The following WAC variants were observed in gnomAD, a reference collection of about 807,000 sequenced individuals.
The protein encoded by WAC is WW domain-containing adapter protein with coiled-coil.
In WAC, 11 loss-of-function variants were observed where a neutral mutation model predicts 79.6. The ratio of observed to expected loss-of-function variants is 0.14; its 90% CI spans 0.09 to 0.23. The LOEUF is 0.23. WAC is among the 10% of genes least tolerant of loss of function. The probability of loss-of-function intolerance (pLI) is 1.00; values close to 1 mark genes in which losing one functional copy is unlikely to be tolerated. For missense variants in WAC, 728 were observed against 773.5 expected (o/e 0.94, Z 0.70); for synonymous variants, 304 against 276.9 (o/e 1.10, Z -0.97).
intron 4 of WAC, among the ~76,000 whole-genome samples, chr10:28,583,977 C>G (rs1270193781): frequency 6.6e-6 from 1 of 152,120 alleles, no homozygotes; most frequent in Non-Finnish European, 1.5e-5. Context: ...TAAATATTTT[C>G]AGAAGTTTAG....
chr10:28,562,031 A>G (rs549602421), intron 3 of WAC, among the ~76,000 whole-genome samples: 1 of 152,198 alleles, frequency 6.6e-6, no homozygotes, highest in East Asian at 1.9e-4. Context: ...GATATGCTAC[A>G]GACAGCTGAG....
At chr10:28,565,551 T>C (rs1002683309) in intron 3 of WAC, among the ~76,000 whole-genome samples, 2 of 152,186 alleles carry the variant, frequency 1.3e-5, no homozygotes, top group African/African-American at 4.8e-5. Flanking sequence ...CTTAATGTTC[T>C]AGTGACAGTT....
At chr10:28,578,989 C>T (rs1032753532) in intron 3 of WAC, among the ~76,000 whole-genome samples, 1 of 152,020 alleles carries the variant, frequency 6.6e-6, no homozygotes, top group African/African-American at 2.4e-5. Context: ...AGTATAGAGC[C>T]CCTATATCTG....
At chr10:28,582,229 A>G (rs1839575357) in intron 3 of WAC, among the ~76,000 whole-genome samples, 2 of 152,190 alleles carry the variant, frequency 1.3e-5, no homozygotes, top group African/African-American at 2.4e-5. Flanking sequence ...TGCTGCTTAC[A>G]TGCAAAGCAG....
Position 28,550,131 on chromosome 10 carries a change from T to A in WAC, c.274+14374T>A, listed in dbSNP as rs570852154. On this transcript the variant is annotated intron_variant, in intron 3 of 13. Transcript: ENST00000354911. ...TCGCGGTGAGCGGAGATCACACCAC[T>A]GCACTCCAGTGGGTGATAATGCAAG... 5.3e-5 allele frequency among the ~76,000 whole-genome samples: 8 copies of A among 149,980 alleles called. No homozygotes were observed. In the East Asian group the frequency reaches 1.2e-3, roughly 22 times the overall value.
chr10:28,619,690 T>A lies in WAC; in HGVS notation c.*84T>A. 2 of 1,207,302 alleles carry A rather than the reference T, an allele frequency of 1.7e-6. No homozygotes were observed. Among genetic ancestry groups the A allele is most frequent in the Non-Finnish European group, 2.3e-6 (2 of 875,198 alleles). 74.8% of individuals were successfully genotyped at this position (1,207,302 alleles called of 1,614,324 possible). ...TTAACATTTTTGAGCTGCATTTAAG[T>A]AGACTTTGGACCGTTAAGCTGGGCA... is the stretch of plus-strand genomic sequence containing the variant. On this transcript the variant is annotated 3_prime_UTR_variant, in exon 14 of 14. Coordinates refer to ENST00000354911, the MANE Select transcript of WAC (RefSeq NM_016628.5).
intron 5 of WAC, among the ~76,000 whole-genome samples, 200 bp downstream of exon 5, chr10:28,590,051 T>C (rs1327492262): frequency 1.3e-5 from 2 of 152,200 alleles, no homozygotes. Context: ...CTGGGTGCAG[T>C]GGCTCATGCC....
intron 3 of WAC, among the ~76,000 whole-genome samples, chr10:28,577,227 G>T (rs1839286623): frequency 6.6e-6 from 1 of 152,132 alleles, no homozygotes; most frequent in Admixed American, 6.6e-5. Context: ...AGTTGTATTG[G>T]TTCGTGTGTA....
intron 9 of WAC, chr10:28,611,551 G>T: frequency 7.4e-7 from 1 of 1,344,320 alleles, no homozygotes; most frequent in Non-Finnish European, 9.8e-7. Flanking sequence ...AAGGAGAGTG[G>T]GCCACACTGG....
At position 28,622,852 on chromosome 10, in the gene WAC, G is replaced by T. The variant is rs553838997; in HGVS notation, c.*3246G>T. On this transcript the variant is annotated 3_prime_UTR_variant, in exon 14 of 14. Coordinates refer to ENST00000354911, the MANE Select transcript of WAC (RefSeq NM_016628.5). Reference sequence around the variant, plus strand: ...CAACGCGGGAAATAATTCACTCTGCGCACCGGAACTATTGTAGTTCAGGAC... The same window carrying T: ...CAACGCGGGAAATAATTCACTCTGCTCACCGGAACTATTGTAGTTCAGGAC... 3 of 152,196 alleles carry T rather than the reference G, an allele frequency of 2.0e-5. No homozygotes were observed. The highest frequency in any genetic ancestry group is 6.5e-5 in the Admixed American group (1 of 15,276). The allele number at this position is 152,196 out of a possible 1,614,324, so 9.4% of individuals were successfully genotyped here.
At chr10:28,590,311 CAAAAAAAAAAAA>C (rs34562281) in intron 5 of WAC, among the ~76,000 whole-genome samples, 3 of 103,354 alleles carry the variant, frequency 2.9e-5, no homozygotes, top group South Asian at 3.4e-4. Flanking sequence ...GATGCTATCT[CAAAAAAAAAAAA>C]AAAAAAAAAA....
intron 3 of WAC, among the ~76,000 whole-genome samples, chr10:28,577,457 C>A (rs758759085): frequency 1.3e-5 from 2 of 152,112 alleles, no homozygotes; most frequent in Admixed American, 6.5e-5. Flanking sequence ...CTATTTTTCC[C>A]ATAAGACTTT....
chr10:28,565,980 A>G (rs753288690), intron 3 of WAC, among the ~76,000 whole-genome samples: 111 of 152,204 alleles, frequency 7.3e-4, no homozygotes, highest in Admixed American at 3.7e-3. Context: ...AGAATCTGAC[A>G]TTTATACCAA....
intron 3 of WAC, chr10:28,537,487 A>G (rs542025826): frequency 3.4e-4 from 52 of 152,360 alleles, no homozygotes; most frequent in African/African-American, 1.2e-3. Context: ...TTTAGTGACT[A>G]TGATCCAGTT....
At chr10:28,560,404 G>A (rs1360463466) in intron 3 of WAC, among the ~76,000 whole-genome samples, 1 of 152,106 alleles carries the variant, frequency 6.6e-6, no homozygotes, top group East Asian at 1.9e-4. Flanking sequence ...AGCCGAAGCA[G>A]GCATTAGCTG....
intron 1 of WAC, 136 bp downstream of exon 1, chr10:28,533,756 G>A: frequency 9.1e-7 from 1 of 1,098,108 alleles, no homozygotes; most frequent in Non-Finnish European, 1.3e-6. Flanking sequence ...GAGGAGGAGC[G>A]GCCGCGCGGG....
intron 11 of WAC, chr10:28,615,572 A>T (rs1841432533): frequency 6.6e-6 from 1 of 152,240 alleles, no homozygotes; most frequent in Non-Finnish European, 1.5e-5. Flanking sequence ...CTGGTGAAGC[A>T]GGTAGGAGAT....
intron 4 of WAC, 91 bp from the exon 5 acceptor site, chr10:28,589,643 AGT>A: frequency 2.7e-6 from 2 of 739,370 alleles, no homozygotes; most frequent in Non-Finnish European, 4.4e-6. Context: ...TTATCTCATA[AGT>A]GTTTTCCTGT....
At chr10:28,610,481 T>C (rs181545583) in intron 8 of WAC, among the ~76,000 whole-genome samples, 1 of 151,972 alleles carries the variant, frequency 6.6e-6, no homozygotes, top group African/African-American at 2.4e-5. Flanking sequence ...ACTCTGTTGG[T>C]TTACCTTTAT....
Sources: gnomAD v4.1 joint callset for allele counts (sites outside exome capture counted in the v4.1 genomes callset) on GRCh38, gnomAD v4.1.1 for gene constraint, MANE v1.5 for transcripts, NCBI Gene and HGNC (gene_info 2026-07-23, HGNC 2026-07-21) for gene names.